The following ELMOD1 variants were observed in gnomAD, a reference collection of about 807,000 sequenced individuals.
The protein encoded by ELMOD1 is ELMO domain-containing protein 1.
A neutral mutation model predicts 46.7 loss-of-function variants in ELMOD1; 21 were observed. The observed-to-expected ratio is 0.45, with a 90% CI of 0.32 to 0.65. ELMOD1 has a LOEUF of 0.65. ELMOD1 is among the 30% of genes least tolerant of loss of function. ELMOD1 has a pLI of 0.04. For missense variants in ELMOD1, 348 were observed against 407.8 expected (o/e 0.85, Z 1.26); for synonymous variants, 122 against 138.2 (o/e 0.88, Z 0.82).
At chr11:107,604,673 A>G (rs1002378410) in intron 1 of ELMOD1, among the ~76,000 whole-genome samples, 9 of 152,214 alleles carry the variant, frequency 5.9e-5, no homozygotes, top group African/African-American at 2.2e-4. Context: ...ATTGAAAAGA[A>G]TAAAATAATA....
chr11:107,638,262 G>C (rs1866263635), intron 6 of ELMOD1, among the ~76,000 whole-genome samples: 1 of 152,134 alleles, frequency 6.6e-6, no homozygotes, highest in African/African-American at 2.4e-5. Context: ...TCTTCAGTTT[G>C]TTCAAGTTTC....
At chr11:107,642,623 C>T (rs1451946823) in intron 6 of ELMOD1, among the ~76,000 whole-genome samples, 1 of 152,152 alleles carries the variant, frequency 6.6e-6, no homozygotes, top group African/African-American at 2.4e-5. Context: ...CCTCAGCCTC[C>T]CAAAGTGCTG....
At position 107,618,175 on chromosome 11, in the gene ELMOD1, G is replaced by C; in HGVS notation, c.-15G>C. 6.4e-7 allele frequency: 1 copy of C among 1,566,634 alleles called. No individual in the cohort carries two copies. The highest frequency in any genetic ancestry group is 1.2e-5 in the South Asian group (1 of 84,852). ...GGACAGTTCATATAGCATCTGGACA[G>C]TCAACACGGGCACCATGAAGCACTT... On this transcript the variant is annotated 5_prime_UTR_variant, in exon 2 of 12. Coordinates refer to ENST00000265840, the MANE Select transcript of ELMOD1 (RefSeq NM_018712.4).
At chr11:107,650,444 T>G in intron 8 of ELMOD1, 41 bp downstream of exon 8, 1 of 1,371,094 alleles carries the variant, frequency 7.3e-7, no homozygotes, top group Non-Finnish European at 1.0e-6. Flanking sequence ...TTTTATGGGT[T>G]AGATCAAATG....
chr11:107,599,775 A>C (rs1417265314), intron 1 of ELMOD1, among the ~76,000 whole-genome samples: 2 of 151,062 alleles, frequency 1.3e-5, no homozygotes, highest in Admixed American at 1.3e-4. Flanking sequence ...GAAAAAAAAA[A>C]AAAACTGTAT....
rs34461488 is a variant in ELMOD1 at position 107,615,229 on chromosome 11, C to CTTTTTTTTT, written c.-85-2859_-85-2851dup. Among the ~76,000 whole-genome samples, 20 of 81,132 alleles carry CTTTTTTTTT rather than the reference C, an allele frequency of 2.5e-4. 1 individual carries two copies. The highest frequency in any genetic ancestry group is 3.1e-4 in the African/African-American group (6 of 19,634). The allele number at this position is 81,132 out of a possible 152,430, so 53.2% of individuals were successfully genotyped here. ...TTATACTTTCCCCTGTTGTCAGCAT[C>CTTTTTTTTT]TTTTTTTTTTTTTTTTTTTTTTTTT... On this transcript the variant is annotated intron_variant, in intron 1 of 11. Coordinates refer to ENST00000265840, the MANE Select transcript of ELMOD1 (RefSeq NM_018712.4).
intron 1 of ELMOD1, among the ~76,000 whole-genome samples, chr11:107,595,622 T>C (rs1865479971): frequency 6.6e-6 from 1 of 152,158 alleles, no homozygotes; most frequent in African/African-American, 2.4e-5. Flanking sequence ...CCAATTTACA[T>C]TTTATATTCT....
chr11:107,599,557 C>T (rs1454104456), intron 1 of ELMOD1, among the ~76,000 whole-genome samples: 1 of 151,802 alleles, frequency 6.6e-6, no homozygotes, highest in Non-Finnish European at 1.5e-5. Context: ...GCCTGGCCAA[C>T]ATGGTGAAAC....
intron 9 of ELMOD1, among the ~76,000 whole-genome samples, chr11:107,651,912 A>G (rs1866533148): frequency 6.6e-6 from 1 of 152,240 alleles, no homozygotes; most frequent in South Asian, 2.1e-4. Context: ...GAAAAGCTTC[A>G]TAGTTGTATC....
At chr11:107,627,710 T>C (rs1866066591) in intron 2 of ELMOD1, among the ~76,000 whole-genome samples, 1 of 152,186 alleles carries the variant, frequency 6.6e-6, no homozygotes, top group Admixed American at 6.5e-5. Flanking sequence ...GGAAGACTTT[T>C]TGTAGCTTAA....
intron 1 of ELMOD1, among the ~76,000 whole-genome samples, chr11:107,599,169 C>T (rs1014467651): frequency 6.6e-6 from 1 of 152,040 alleles, no homozygotes; most frequent in Admixed American, 6.5e-5. Context: ...CATGGCTATG[C>T]TAATTTTAAA....
chr11:107,599,010 T>A (rs1865541979), intron 1 of ELMOD1, among the ~76,000 whole-genome samples: 1 of 152,196 alleles, frequency 6.6e-6, no homozygotes, highest in Non-Finnish European at 1.5e-5. Context: ...TTTTTCATTC[T>A]CTGAGTATTT....
At chr11:107,655,603 C>T (rs1324861186) in intron 10 of ELMOD1, among the ~76,000 whole-genome samples, 1 of 51,136 alleles carries the variant, frequency 2.0e-5, no homozygotes, top group Non-Finnish European at 3.7e-5. Context: ...AGTGAAAGCA[C>T]GTTTACTAAG....
chr11:107,651,013 C>CTTAGT, intron 9 of ELMOD1, 105 bp downstream of exon 9: 1 of 647,354 alleles, frequency 1.5e-6, no homozygotes. Context: ...TTCAAAAAGC[C>CTTAGT]AACATTTTCA....
chr11:107,656,106 C>T (rs758115588), intron 11 of ELMOD1, 40 bp downstream of exon 11: 19 of 1,545,832 alleles, frequency 1.2e-5, no homozygotes, highest in Middle Eastern at 3.8e-4. Flanking sequence ...TAGGTTTCTA[C>T]GCTGGGCACG....
At chr11:107,620,044 C>T (rs1865922607) in intron 2 of ELMOD1, 2 of 152,084 alleles carry the variant, frequency 1.3e-5, no homozygotes, top group South Asian at 2.1e-4. Context: ...AGTCCATTTC[C>T]ACAGATGTTG....
intron 11 of ELMOD1, 111 bp downstream of exon 11, chr11:107,656,177 C>G: frequency 8.2e-7 from 1 of 1,217,122 alleles, no homozygotes; most frequent in Non-Finnish European, 1.1e-6. Context: ...TGCCTGAGCT[C>G]AGGAGTTCAA....
At chr11:107,610,661 T>TAAAAAAAAAA (rs1191411968) in intron 1 of ELMOD1, among the ~76,000 whole-genome samples, 1 of 100,764 alleles carries the variant, frequency 9.9e-6, no homozygotes, top group Non-Finnish European at 2.1e-5. Flanking sequence ...AGATCCTATC[T>TAAAAAAAAAA]AAAAAAAAAA....
At chr11:107,642,905 A>G (rs1230125673) in intron 6 of ELMOD1, 1 of 329,072 alleles carries the variant, frequency 3.0e-6, no homozygotes, top group Non-Finnish European at 6.0e-6. Context: ...TTTCTCCAGA[A>G]ACTGAATTCT....
Sources: gnomAD v4.1 joint callset for allele counts (sites outside exome capture counted in the v4.1 genomes callset) on GRCh38, gnomAD v4.1.1 for gene constraint, MANE v1.5 for transcripts, NCBI Gene and HGNC (gene_info 2026-07-23, HGNC 2026-07-21) for gene names.